The following PCDH15 variants were observed in gnomAD, a reference collection of about 807,000 sequenced individuals.
The protein encoded by PCDH15 is protocadherin-15.
In PCDH15, 129 loss-of-function variants were observed where a neutral mutation model predicts 178.5. The observed-to-expected ratio is 0.72, with a 90% confidence interval of 0.63 to 0.84. The LOEUF is 0.84. Ranked by LOEUF, PCDH15 falls within the 40% of genes least tolerant of loss-of-function variation. PCDH15 has a pLI of 0.00. For synonymous variants in PCDH15, 800 were observed against 732.0 expected, an observed-to-expected ratio of 1.09 and a Z score of -1.50; for missense variants, 2,230 against 2,099.9, an observed-to-expected ratio of 1.06 and a Z score of -1.21.
chr10:53,808,593 C>A, intron 37 of PCDH15: 1 of 1,470,204 alleles, frequency 6.8e-7, no homozygotes, highest in South Asian at 1.4e-5. Flanking sequence ...AAATCTTGAT[C>A]AATTTCCTCC....
intron 26 of PCDH15, among the ~76,000 whole-genome samples, chr10:53,885,066 C>T (rs1185417519): frequency 6.6e-6 from 1 of 151,982 alleles, no homozygotes; most frequent in Non-Finnish European, 1.5e-5. Flanking sequence ...AATTTTCTGC[C>T]ATTCAGAACT....
chr10:55,322,559 T>C (rs1843926382), upstream of PCDH15, among the ~76,000 whole-genome samples: 1 of 152,060 alleles, frequency 6.6e-6, no homozygotes, highest in African/African-American at 2.4e-5. Context: ...GATAGTGATA[T>C]AGATAATAAA....
At chr10:55,197,255 T>G (rs1348900459) in intron 1 of PCDH15, among the ~76,000 whole-genome samples, 1 of 152,036 alleles carries the variant, frequency 6.6e-6, no homozygotes, top group Non-Finnish European at 1.5e-5. Context: ...AAACGTTTCC[T>G]TACAAATTAA....
chr10:55,520,690 C>T (rs966238952), intron 2 of PCDH15, among the ~76,000 whole-genome samples: 2 of 151,422 alleles, frequency 1.3e-5, no homozygotes, highest in Non-Finnish European at 3.0e-5. Context: ...GAGAATGATA[C>T]TTTATAATCT....
chr10:54,827,858 C>CT (rs775823879), intron 3 of PCDH15, among the ~76,000 whole-genome samples: 1 of 152,024 alleles, frequency 6.6e-6, no homozygotes, highest in African/African-American at 2.4e-5. Context: ...ATTTAAAAAA[C>CT]TTTTTGCGCA....
At chr10:54,230,787 C>A (rs182903888) in intron 9 of PCDH15, among the ~76,000 whole-genome samples, 1,893 of 151,968 alleles carry the variant, frequency 0.012, 22 homozygotes, top group African/African-American at 0.025. Context: ...ATACTGTTAG[C>A]AATATTATAT....
chr10:55,368,474 A>C (rs897442965), intron 2 of PCDH15, among the ~76,000 whole-genome samples: 3 of 152,122 alleles, frequency 2.0e-5, no homozygotes, highest in African/African-American at 7.2e-5. Flanking sequence ...CTGACACTCT[A>C]GGTGATCTTA....
At chr10:54,680,266 G>A (rs902391903) in intron 1 of PCDH15, among the ~76,000 whole-genome samples, 2 of 152,062 alleles carry the variant, frequency 1.3e-5, no homozygotes, top group Non-Finnish European at 2.9e-5. Flanking sequence ...GACAGTGTTC[G>A]AGGTTACTTT....
At chr10:53,921,486 A>G (rs892907631) in intron 25 of PCDH15, among the ~76,000 whole-genome samples, 2 of 151,852 alleles carry the variant, frequency 1.3e-5, no homozygotes, top group African/African-American at 2.4e-5. Flanking sequence ...TCCACATTCC[A>G]TGAGTCCTTA....
In PCDH15 at chr10:54,409,574, T is replaced by C. The variant is rs139126897; in HGVS notation, c.158-30632A>G. On this transcript the variant is annotated intron_variant, in intron 3 of 37. Transcript: ENST00000644397. ...TACATTATCAACCTCTTACCCAAAATACTATAGTGGTATTCACTGCTATAA... is the reference window on the plus strand; with the variant it reads ...TACATTATCAACCTCTTACCCAAAACACTATAGTGGTATTCACTGCTATAA... Among the ~76,000 whole-genome samples the C allele has an allele frequency of 4.6e-3, 693 of 152,240 alleles. 1 individual carries two copies. The highest frequency in any genetic ancestry group is 6.3e-3 in the Non-Finnish European group (429 of 68,024).
intron 2 of PCDH15, among the ~76,000 whole-genome samples, chr10:55,589,888 T>C (rs1253062708): frequency 1.3e-5 from 2 of 149,566 alleles, no homozygotes; most frequent in Non-Finnish European, 3.0e-5. Flanking sequence ...GTTCAACCAT[T>C]GTGGAAGTCA....
At chr10:55,028,393 C>T (rs564120966) in intron 2 of PCDH15, among the ~76,000 whole-genome samples, 26 of 151,924 alleles carry the variant, frequency 1.7e-4, no homozygotes, top group Admixed American at 9.8e-4. Context: ...CTCAACGACA[C>T]GTCTAAAACT....
chr10:54,188,329 T>A (rs200404092), intron 11 of PCDH15, among the ~76,000 whole-genome samples: 1 of 151,914 alleles, frequency 6.6e-6, no homozygotes, highest in East Asian at 1.9e-4. Context: ...CTTATAAGTT[T>A]CATAGACTAG....
intron 1 of PCDH15, among the ~76,000 whole-genome samples, chr10:54,742,532 C>T (rs1944942141): frequency 6.6e-6 from 1 of 151,798 alleles, no homozygotes; most frequent in Non-Finnish European, 1.5e-5. Context: ...AAGACCTTGC[C>T]ATGTTAAGTG....
At chr10:54,622,638 T>G in intron 2 of PCDH15, among the ~76,000 whole-genome samples, 1 of 40,876 alleles carries the variant, frequency 2.4e-5, no homozygotes, top group Non-Finnish European at 4.6e-5. Flanking sequence ...ATATATATTA[T>G]ATAATTATAT....
chr10:54,154,485 T>C (rs1164795867), intron 13 of PCDH15, among the ~76,000 whole-genome samples: 1 of 152,192 alleles, frequency 6.6e-6, no homozygotes, highest in Admixed American at 6.5e-5. Context: ...ACAGTAAAGA[T>C]GCTGGTATAC....
intron 2 of PCDH15, among the ~76,000 whole-genome samples, chr10:55,389,126 T>C (rs1371302436): frequency 6.6e-6 from 1 of 152,074 alleles, no homozygotes; most frequent in Non-Finnish European, 1.5e-5. Flanking sequence ...TGAATCAACC[T>C]TTTTCAGAGT....
chr10:55,591,345 G>T (rs1006160403), intron 2 of PCDH15, among the ~76,000 whole-genome samples: 1 of 152,082 alleles, frequency 6.6e-6, no homozygotes, highest in Non-Finnish European at 1.5e-5. Flanking sequence ...TGAGGTAGGA[G>T]GCTTGCTTGA....
At chr10:55,612,796 C>A (rs997760087) in intron 2 of PCDH15, among the ~76,000 whole-genome samples, 6 of 152,110 alleles carry the variant, frequency 3.9e-5, no homozygotes, top group African/African-American at 1.4e-4. Flanking sequence ...TATGTCTTAG[C>A]AACCTAGTGT....
Sources: gnomAD v4.1 joint callset for allele counts (sites outside exome capture counted in the v4.1 genomes callset) on GRCh38, gnomAD v4.1.1 for gene constraint, MANE v1.5 for transcripts, NCBI Gene and HGNC (gene_info 2026-07-23, HGNC 2026-07-21) for gene names.